Variants in SPOCK1 observed in about 807,000 individuals in gnomAD.
The protein encoded by SPOCK1 is SPARC (osteonectin), cwcv and kazal like domains proteoglycan 1.
In SPOCK1, 23 loss-of-function variants were observed where a neutral mutation model predicts 55.3. The ratio of observed to expected loss-of-function variants is 0.42; its 90% CI spans 0.30 to 0.59. The LOEUF (loss-of-function observed/expected upper bound fraction) is 0.59. Ranked by LOEUF, SPOCK1 falls within the 20% of genes least tolerant of loss-of-function variation. SPOCK1 has a pLI of 0.22. For missense variants in SPOCK1, 499 were observed against 552.5 expected, an observed-to-expected ratio of 0.90 and a Z score of 0.97; for synonymous variants, 226 against 221.0, an observed-to-expected ratio of 1.02 and a Z score of -0.20.
intron 2 of SPOCK1, among the ~76,000 whole-genome samples, chr5:137,319,058 A>C (rs1757934680): frequency 6.6e-6 from 1 of 152,218 alleles, no homozygotes; most frequent in African/African-American, 2.4e-5. Flanking sequence ...CACTTTCTCT[A>C]TATCAGCAGT....
In SPOCK1 at chr5:137,402,603, G is replaced by A. The variant is rs150568722; in HGVS notation, c.186+95770C>T. Among the ~76,000 whole-genome samples the A allele has an allele frequency of 7.4e-3, 1,122 of 152,240 alleles. 17 individuals carry two copies. The highest frequency in any genetic ancestry group is 0.012 in the Non-Finnish European group (813 of 68,012). ...CGGTGTGAATGCTGGGGTTGCAAAA[G>A]CAGCCCCCGGGGGTTAGACCTCAAC... On this transcript the variant is annotated intron_variant, in intron 2 of 10. Coordinates refer to ENST00000394945, the MANE Select transcript of SPOCK1 (RefSeq NM_004598.4).
chr5:137,252,523 A>G (rs1411644693), intron 3 of SPOCK1, among the ~76,000 whole-genome samples: 1 of 152,210 alleles, frequency 6.6e-6, no homozygotes, highest in East Asian at 1.9e-4. Context: ...TTCCTGACTG[A>G]TCCCTGCCCT....
intron 4 of SPOCK1, among the ~76,000 whole-genome samples, chr5:137,132,765 C>A (rs62374901): frequency 1.3e-5 from 2 of 151,998 alleles, no homozygotes; most frequent in Non-Finnish European, 2.9e-5. Flanking sequence ...AAAATATGAA[C>A]TGCCCCCTCT....
intron 2 of SPOCK1, among the ~76,000 whole-genome samples, chr5:137,392,424 A>C (rs917792490): frequency 2.0e-5 from 3 of 152,226 alleles, no homozygotes; most frequent in African/African-American, 7.2e-5. Flanking sequence ...TCTATAACTT[A>C]TCTCTGTCCC....
chr5:137,027,617 A>G (rs1446828370), intron 6 of SPOCK1, among the ~76,000 whole-genome samples: 1 of 152,206 alleles, frequency 6.6e-6, no homozygotes, highest in African/African-American at 2.4e-5. Flanking sequence ...CTCAATATCC[A>G]TATGTAGCTA....
At chr5:137,399,426 A>T (rs1751928089) in intron 2 of SPOCK1, among the ~76,000 whole-genome samples, 1 of 152,094 alleles carries the variant, frequency 6.6e-6, no homozygotes, top group South Asian at 2.1e-4. Context: ...TGACTGACAT[A>T]CAAAAATCTG....
chr5:137,104,785 C>T (rs766359879), intron 5 of SPOCK1, among the ~76,000 whole-genome samples: 3 of 151,974 alleles, frequency 2.0e-5, no homozygotes, highest in African/African-American at 7.3e-5. Flanking sequence ...TCGGGGCTCC[C>T]GCTGATGCTA....
At chr5:137,479,652 T>C (rs1474323240) in intron 2 of SPOCK1, among the ~76,000 whole-genome samples, 3 of 152,226 alleles carry the variant, frequency 2.0e-5, no homozygotes, top group African/African-American at 7.2e-5. Context: ...ACAGTGATTG[T>C]GAATGCACGG....
intron 2 of SPOCK1, among the ~76,000 whole-genome samples, chr5:137,422,123 T>C (rs553197256): frequency 2.1e-4 from 32 of 152,338 alleles, no homozygotes; most frequent in African/African-American, 7.2e-4. Flanking sequence ...TTGAATATTG[T>C]CCCCCACTCT....
intron 3 of SPOCK1, among the ~76,000 whole-genome samples, chr5:137,207,510 C>G (rs932857820): frequency 6.6e-5 from 10 of 152,210 alleles, no homozygotes; most frequent in African/African-American, 2.2e-4. Flanking sequence ...TTTCCATATG[C>G]TTTACCTGCA....
chr5:137,195,963 G>A (rs1455392015), intron 3 of SPOCK1, among the ~76,000 whole-genome samples: 1 of 152,128 alleles, frequency 6.6e-6, no homozygotes, highest in Non-Finnish European at 1.5e-5. Flanking sequence ...CCTCATCCTG[G>A]GCATGTGGAA....
chr5:137,397,583 A>C (rs777161588), intron 2 of SPOCK1, among the ~76,000 whole-genome samples: 40 of 152,154 alleles, frequency 2.6e-4, no homozygotes, highest in Non-Finnish European at 5.1e-4. Context: ...TTCCTTGCCA[A>C]CACTGGGTCA....
In SPOCK1 at chr5:137,366,503, TG is replaced by T. The variant is rs113672738; in HGVS notation, c.187-99449del. ...CCCACCAAAAAGTGACAGAGCAGGCTGGGAGCAGGGGCCTGTTGGACTCCAA... is the reference window on the plus strand; with the variant it reads ...CCCACCAAAAAGTGACAGAGCAGGCTGGAGCAGGGGCCTGTTGGACTCCAA... On this transcript the variant is annotated intron_variant, in intron 2 of 10. Coordinates refer to ENST00000394945, the MANE Select transcript of SPOCK1 (RefSeq NM_004598.4). Among the ~76,000 whole-genome samples the T allele has an allele frequency of 1.6e-3, 245 of 152,276 alleles. 1 individual carries two copies. The highest frequency in any genetic ancestry group is 5.3e-3 in the African/African-American group (220 of 41,552).
At chr5:137,329,417 A>G (rs990894821) in intron 2 of SPOCK1, among the ~76,000 whole-genome samples, 1 of 151,976 alleles carries the variant, frequency 6.6e-6, no homozygotes, top group East Asian at 1.9e-4. Flanking sequence ...TATATCTCCT[A>G]ATATCTCCTT....
At chr5:137,393,362 T>C (rs1751768178) in intron 2 of SPOCK1, among the ~76,000 whole-genome samples, 1 of 152,160 alleles carries the variant, frequency 6.6e-6, no homozygotes, top group African/African-American at 2.4e-5. Context: ...AGAACATGCC[T>C]GAGCTAGCTT....
intron 6 of SPOCK1, among the ~76,000 whole-genome samples, chr5:137,063,050 A>C (rs1462985583): frequency 2.9e-4 from 5 of 17,350 alleles, no homozygotes; most frequent in Non-Finnish European, 7.4e-4. Context: ...CTGGCTAACA[A>C]GGTGAAACCC....
intron 2 of SPOCK1, among the ~76,000 whole-genome samples, chr5:137,480,545 T>C (rs1753929381): frequency 6.6e-6 from 1 of 152,118 alleles, no homozygotes; most frequent in Non-Finnish European, 1.5e-5. Flanking sequence ...CTGAAAATAA[T>C]GTGTCCAAGA....
chr5:137,473,615 C>A (rs1753780228), intron 2 of SPOCK1, among the ~76,000 whole-genome samples: 1 of 152,100 alleles, frequency 6.6e-6, no homozygotes, highest in Non-Finnish European at 1.5e-5. Flanking sequence ...ACAAAGCATA[C>A]CCTAAAGTTG....
At chr5:137,106,419 A>C (rs1430129969) in intron 5 of SPOCK1, among the ~76,000 whole-genome samples, 2 of 152,158 alleles carry the variant, frequency 1.3e-5, no homozygotes, top group Non-Finnish European at 2.9e-5. Flanking sequence ...AGGATTCCAG[A>C]AGTGCTGGGC....
Sources: allele counts gnomAD v4.1 joint callset (sites outside exome capture counted in the v4.1 genomes callset), GRCh38; gene constraint gnomAD v4.1.1; transcripts MANE v1.5; gene names NCBI Gene and HGNC (gene_info 2026-07-23, HGNC 2026-07-21).